Variants in RILPL1 observed in about 807,000 individuals in gnomAD.
RILPL1 encodes Rab interacting lysosomal protein like 1.
RILPL1 carries 33 observed loss-of-function variants against 50.3 expected under a neutral mutation model. The ratio of observed to expected loss-of-function variants is 0.66; its 90% CI spans 0.50 to 0.88. The LOEUF (loss-of-function observed/expected upper bound fraction) is 0.88, where lower values mean the gene tolerates loss of function less well. RILPL1 is among the 40% of genes least tolerant of loss of function. RILPL1 has a pLI of 0.00. For missense variants in RILPL1, 418 were observed against 542.5 expected (o/e 0.77, Z 2.28); for synonymous variants, 205 against 228.6 (o/e 0.90, Z 0.93).
intron 4 of RILPL1, among the ~76,000 whole-genome samples, chr12:123,490,586 C>T (rs1052243804): frequency 6.6e-6 from 1 of 151,954 alleles, no homozygotes; most frequent in African/African-American, 2.4e-5. Context: ...AAAGTCCTTA[C>T]TCTCTTTTTT....
Position 123,520,720 on chromosome 12 carries a change from T to C in RILPL1, c.460+2775A>G, listed in dbSNP as rs544752031. Among the ~76,000 whole-genome samples the C allele has an allele frequency of 1.2e-4, 18 of 152,274 alleles. No homozygotes were observed. The South Asian group carries it at 1.7e-3, about 14-fold the overall frequency. On this transcript the variant is annotated intron_variant, in intron 2 of 6. Coordinates refer to ENST00000376874, the MANE Select transcript of RILPL1 (RefSeq NM_178314.5). ...CGGCAGGGAGACGCAAGCCCCAGAA[T>C]GTGCCTCCCTGCCCTGCCTCCAACC... is the stretch of plus-strand genomic sequence containing the variant.
chr12:123,483,891 C>G (rs1336464337), intron 6 of RILPL1, among the ~76,000 whole-genome samples: 2 of 152,102 alleles, frequency 1.3e-5, no homozygotes, highest in Non-Finnish European at 2.9e-5. Flanking sequence ...AGAGATGCAC[C>G]CCACCCCCAT....
rs940681668 is a variant in RILPL1, at chr12:123,522,256, G to A, written c.460+1239C>T. Among the ~76,000 whole-genome samples, 12 of 152,198 alleles carry A rather than the reference G, an allele frequency of 7.9e-5. No individual in the cohort carries two copies. The highest frequency in any genetic ancestry group is 4.6e-4 in the Admixed American group (7 of 15,284). The stretch of plus-strand genomic sequence containing the variant: ...CTGCAGGAGGCACCCCTGCTTTAGC[G>A]GGCAGGAAGCTGCAGGGCTGAGCAG... On this transcript the variant is annotated intron_variant, in intron 2 of 6. Coordinates refer to ENST00000376874, the MANE Select transcript of RILPL1 (RefSeq NM_178314.5). The surrounding 1 kb of genome is among the most constrained non-coding windows in gnomAD (Gnocchi z 4.0).
intron 6 of RILPL1, among the ~76,000 whole-genome samples, chr12:123,480,901 T>C (rs975529130): frequency 6.6e-6 from 1 of 152,188 alleles, no homozygotes; most frequent in African/African-American, 2.4e-5. Flanking sequence ...AAAAGTGCTC[T>C]GAGCGTCAAG....
intron 1 of RILPL1, among the ~76,000 whole-genome samples, chr12:123,525,875 T>C (rs1284119639): frequency 6.6e-6 from 1 of 151,564 alleles, no homozygotes; most frequent in Non-Finnish European, 1.5e-5. Context: ...AGTGTTATGG[T>C]ATCTGAATTA....
At chr12:123,528,173 C>G (rs1361114608) in intron 1 of RILPL1, among the ~76,000 whole-genome samples, 1 of 151,646 alleles carries the variant, frequency 6.6e-6, no homozygotes, top group Non-Finnish European at 1.5e-5. Context: ...CTGCAGCCAG[C>G]CTGGGCAACA....
chr12:123,492,354 A>G (rs1882754381), intron 4 of RILPL1, among the ~76,000 whole-genome samples: 1 of 152,326 alleles, frequency 6.6e-6, no homozygotes, highest in South Asian at 2.1e-4. Flanking sequence ...ATGTTGTAGG[A>G]TCCCACTGAT....
intron 6 of RILPL1, chr12:123,475,416 CAG>C (rs1315844018): frequency 3.8e-6 from 2 of 524,230 alleles, no homozygotes; most frequent in Middle Eastern, 5.2e-4. Flanking sequence ...GGTTTTAAAA[CAG>C]AAACAGAAGA....
At chr12:123,473,230 A>G (rs868694305) in intron 6 of RILPL1, 2 of 156,834 alleles carry the variant, frequency 1.3e-5, no homozygotes, top group Non-Finnish European at 2.8e-5. Context: ...AACATATACT[A>G]TGGGCTGAGC....
chr12:123,515,512 C>T (rs1202161788), intron 2 of RILPL1: 2 of 151,152 alleles, frequency 1.3e-5, no homozygotes, highest in African/African-American at 2.4e-5. Context: ...TGCAGTGGCG[C>T]GATCTCAACT....
chr12:123,502,226 T>C (rs1235499131), intron 2 of RILPL1, among the ~76,000 whole-genome samples: 1 of 152,120 alleles, frequency 6.6e-6, no homozygotes, highest in Non-Finnish European at 1.5e-5. Flanking sequence ...GTTACATAAT[T>C]GTTTTGAAAT....
In RILPL1 at chr12:123,485,491, A is replaced by T; in HGVS notation, c.974+142T>A. ...GAAAGGGGTTGTGAGCTTGTATGTA[A>T]GTTCTTTAGGCCAGAGAGGGTACCC... On this transcript the variant is annotated intron_variant, in intron 5 of 6. Coordinates refer to ENST00000376874, the MANE Select transcript of RILPL1 (RefSeq NM_178314.5). The surrounding 1 kb of genome is among the most constrained non-coding windows in gnomAD (Gnocchi z 4.0). 1.3e-6 allele frequency: 1 copy of T among 743,928 alleles called. No homozygotes were observed. Among genetic ancestry groups the T allele is most frequent in the Non-Finnish European group, 2.2e-6 (1 of 456,192 alleles). The allele number at this position is 743,928 out of a possible 1,614,324, so 46.1% of individuals were successfully genotyped here.
intron 4 of RILPL1, among the ~76,000 whole-genome samples, chr12:123,487,491 G>A (rs1350320324): frequency 6.6e-6 from 1 of 152,014 alleles, no homozygotes; most frequent in Non-Finnish European, 1.5e-5. Context: ...TATTTTTGTA[G>A]AGACGGGGTT....
intron 2 of RILPL1, among the ~76,000 whole-genome samples, chr12:123,521,027 A>C (rs1476798674): frequency 2.0e-5 from 3 of 152,198 alleles, no homozygotes; most frequent in Non-Finnish European, 4.4e-5. Context: ...CTCTGCCACT[A>C]ACTTGCTGTG....
intron 2 of RILPL1, among the ~76,000 whole-genome samples, chr12:123,516,612 G>A (rs768528433): frequency 3.3e-5 from 5 of 152,220 alleles, no homozygotes; most frequent in Non-Finnish European, 7.3e-5. Context: ...TCTGGGCATG[G>A]TGGCTCTAGA....
At chr12:123,504,357 C>A (rs1341311431) in intron 2 of RILPL1, among the ~76,000 whole-genome samples, 2 of 152,102 alleles carry the variant, frequency 1.3e-5, no homozygotes, top group African/African-American at 4.8e-5. Flanking sequence ...AGAGTCCTTG[C>A]CGCTGACCTC....
intron 6 of RILPL1, among the ~76,000 whole-genome samples, chr12:123,476,939 C>T (rs1233672720): frequency 6.6e-6 from 1 of 152,172 alleles, no homozygotes; most frequent in East Asian, 1.9e-4. Flanking sequence ...TGGTGATGCC[C>T]TGGCAAGGGG....
At chr12:123,511,519 CTG>C (rs1306535962) in intron 2 of RILPL1, among the ~76,000 whole-genome samples, 2 of 85,886 alleles carry the variant, frequency 2.3e-5, no homozygotes, top group Non-Finnish European at 4.5e-5. Context: ...TGTCTGAGGT[CTG>C]TGTGTGGTGT....
At position 123,479,799 on chromosome 12, in the gene RILPL1, T is replaced by C. The variant is rs560659291; in HGVS notation, c.1067+4381A>G. ...CTGCCCGGCTCAGAGCCCCACACTT[T>C]CCTGAGCAACCAGAAGCCAACCTAA... is the stretch of plus-strand genomic sequence containing the variant. On this transcript the variant is annotated intron_variant, in intron 6 of 6. Transcript: ENST00000376874. Among the ~76,000 whole-genome samples the C allele has an allele frequency of 2.1e-3, 313 of 152,182 alleles. 2 individuals carry two copies. The highest frequency in any genetic ancestry group is 7.0e-3 in the African/African-American group (292 of 41,524).
Sources: allele counts gnomAD v4.1 joint callset (sites outside exome capture counted in the v4.1 genomes callset), GRCh38; gene constraint gnomAD v4.1.1; non-coding constraint Gnocchi (gnomAD v3.1); transcripts MANE v1.5; gene names NCBI Gene and HGNC (gene_info 2026-07-23, HGNC 2026-07-21).